U2AF1: variants seen among roughly 807,000 people sequenced by gnomAD.
U2AF1 encodes the protein U2 small nuclear RNA auxiliary factor 1.
For missense variants in U2AF1, 4 were observed against 75.9 expected (o/e 0.05, Z 3.52); for synonymous variants, 8 against 27.2 (o/e 0.29, Z 2.20).
rs953443102 is a variant in U2AF1 at position 43,105,108 on chromosome 21, C to T, written c.45-706G>A. The T allele has an allele frequency of 1.8e-5, 2 of 108,816 alleles. 1 individual carries two copies. Among genetic ancestry groups the T allele is most frequent in the Non-Finnish European group, 3.8e-5 (2 of 52,004 alleles). 6.7% of individuals were successfully genotyped at this position (108,816 alleles called of 1,614,324 possible). On this transcript the variant is annotated intron_variant, in intron 1 of 7. Coordinates refer to ENST00000291552, the MANE Select transcript of U2AF1 (RefSeq NM_006758.3). ...GAAAACAAACTATTAGGGGACTGACCGAACCCACCTTAGGAACCACCTTAC... is the reference window on the plus strand; with the variant it reads ...GAAAACAAACTATTAGGGGACTGACTGAACCCACCTTAGGAACCACCTTAC...
chr21:43,095,398 A>G, intron 5 of U2AF1, 40 bp downstream of exon 5: 1 of 931,648 alleles, frequency 1.1e-6, no homozygotes, highest in Non-Finnish European at 1.6e-6. Context: ...TGGCCCTGGC[A>G]CACTAAGCGG....
chr21:43,105,147 T>C (rs1984731128), intron 1 of U2AF1: 1 of 104,790 alleles, frequency 9.5e-6, no homozygotes, highest in Non-Finnish European at 2.0e-5. Flanking sequence ...ACCTTCTGTC[T>C]CTACTGCAAA....
In U2AF1 at chr21:43,107,225, A is replaced by G. The variant is rs1227264345; in HGVS notation, c.44+226T>C. ...AGCTCGGCCGCGGCGCCCCGAAAAG[A>G]GACCCCATTCATTCTGCCCGCTCCA... On this transcript the variant is annotated intron_variant, in intron 1 of 7. Coordinates refer to ENST00000291552, the MANE Select transcript of U2AF1 (RefSeq NM_006758.3). Among the ~76,000 whole-genome samples, 3 of 112,060 alleles carry G rather than the reference A, an allele frequency of 2.7e-5. 1 individual carries two copies. Among genetic ancestry groups the G allele is most frequent in the Non-Finnish European group, 5.7e-5 (3 of 52,176 alleles). 73.5% of individuals were successfully genotyped at this position (112,060 alleles called of 152,430 possible).
At chr21:43,107,344 C>T (rs576053074) in intron 1 of U2AF1, 107 bp downstream of exon 1, 2 of 245,344 alleles carry the variant, frequency 8.2e-6, no homozygotes, top group East Asian at 8.7e-5. Flanking sequence ...GCCCCTCCCC[C>T]GCCACCGCCG....
intron 3 of U2AF1, chr21:43,099,987 C>T (rs1258247106): frequency 4.9e-5 from 2 of 40,712 alleles, no homozygotes; most frequent in Non-Finnish European, 9.0e-5. Context: ...TGCAGCGGCA[C>T]GATCTCAGTT....
chr21:43,107,213 C>T (rs1212802984), intron 1 of U2AF1, among the ~76,000 whole-genome samples: 1 of 112,750 alleles, frequency 8.9e-6, no homozygotes, highest in Non-Finnish European at 1.9e-5. Flanking sequence ...TCGGCCGCGG[C>T]GCCCCGAAAA....
chr21:43,095,844 G>GA lies in U2AF1; in HGVS notation c.200-102dup. ...AGTAACACACACGAGATTATCTAGA[G>GA]AAAAGCCTGGCAGAGCTGCACTCTG... On this transcript the variant is annotated intron_variant, in intron 3 of 7. Transcript: ENST00000291552. 4 of 306,698 alleles carry GA rather than the reference G, an allele frequency of 1.3e-5. 1 individual carries two copies. Among genetic ancestry groups the GA allele is most frequent in the Non-Finnish European group, 2.3e-5 (4 of 171,518 alleles). 19.0% of individuals were successfully genotyped at this position (306,698 alleles called of 1,614,324 possible). A position where few individuals can be genotyped will look rare whatever the true frequency, so the allele number is the denominator to read the frequency against.
intron 3 of U2AF1, chr21:43,097,693 ATTTTTGTAG>A (rs1479597286): frequency 1.1e-5 from 1 of 92,554 alleles, no homozygotes; most frequent in East Asian, 2.2e-4. Context: ...ATCTTGGCTA[ATTTTTGTAG>A]TTTTAGTAGA....
chr21:43,099,947 C>CG (rs1984505378), intron 3 of U2AF1: 1 of 57,440 alleles, frequency 1.7e-5, no homozygotes, highest in Non-Finnish European at 3.1e-5. Flanking sequence ...TTTTTGGAGA[C>CG]GGAGTCTCAC....
At chr21:43,107,327 G>A in intron 1 of U2AF1, 124 bp downstream of exon 1, 1 of 231,052 alleles carries the variant, frequency 4.3e-6, no homozygotes, top group Non-Finnish European at 7.9e-6. Context: ...GCTCCTTCCC[G>A]CCGCGCGCCC....
In U2AF1 at chr21:43,107,425, A is replaced by AC. The variant is rs776092097; in HGVS notation, c.44+25dup. ...CCACCCTGCGCCCCGATCGCGCCCA[A>AC]CCCCCGGCGGGGGGCTCCCACTCAC... On this transcript the variant is annotated intron_variant, in intron 1 of 7. Transcript: ENST00000291552. 8.3e-6 allele frequency: 4 copies of AC among 484,294 alleles called. 1 individual carries two copies. The South Asian group carries it at 8.8e-5, about 11-fold the overall frequency. The allele number at this position is 484,294 out of a possible 1,614,324, so 30.0% of individuals were successfully genotyped here.
At chr21:43,097,558 A>C in intron 3 of U2AF1, 1 of 68,990 alleles carries the variant, frequency 1.4e-5, no homozygotes, top group African/African-American at 7.1e-5. Flanking sequence ...TAGCCTGTGC[A>C]CCCAACGTGG....
rs374132138 is a variant in U2AF1 at position 43,095,198 on chromosome 21, C to T, written c.348+240G>A. 44 of 394,108 alleles carry T rather than the reference C, an allele frequency of 1.1e-4. 6 individuals carry two copies. The highest frequency in any genetic ancestry group is 1.1e-3 in the East Asian group (35 of 33,128). The allele number at this position is 394,108 out of a possible 1,614,324, so 24.4% of individuals were successfully genotyped here. ...CCGTCCTTCAGTTCTGCTGGCTGGG[C>T]GCACGTGTGGGCTGGCCACCGCCAC... is the stretch of plus-strand genomic sequence containing the variant. On this transcript the variant is annotated intron_variant, in intron 5 of 7. Transcript: ENST00000291552.
intron 7 of U2AF1, 180 bp downstream of exon 7, chr21:43,094,291 C>A: frequency 2.8e-6 from 1 of 355,382 alleles, no homozygotes; most frequent in South Asian, 3.4e-5. Context: ...TACCTGTGTG[C>A]AGGTGAATAT....
chr21:43,107,501 C>CCCG lies in U2AF1; in HGVS notation c.-10_-8dup, dbSNP rs759217681. ...AGGCCAGATACTCCGCCATTTCCCA[C>CCCG]CCGCCGCCGCCGCTGCCGTCGACAC... On this transcript the variant is annotated 5_prime_UTR_variant, in exon 1 of 8. Transcript: ENST00000291552. 1.7e-5 allele frequency: 14 copies of CCCG among 839,738 alleles called. 3 individuals carry two copies. The highest frequency in any genetic ancestry group is 3.1e-5 in the East Asian group (1 of 32,510). 52.0% of individuals were successfully genotyped at this position (839,738 alleles called of 1,614,324 possible).
In U2AF1 at chr21:43,095,415, C is replaced by T. The variant is rs753108326; in HGVS notation, c.348+23G>A. The stretch of plus-strand genomic sequence containing the variant: ...GCCCTGGCACACTAAGCGGCCACGC[C>T]GCCGTCTCGCCCTGGCTCCTACCTT... On this transcript the variant is annotated intron_variant, in intron 5 of 7. Transcript: ENST00000291552. 6.8e-5 allele frequency: 62 copies of T among 915,914 alleles called. 17 individuals carry two copies. The highest frequency in any genetic ancestry group is 9.1e-5 in the Non-Finnish European group (56 of 612,122). 56.7% of individuals were successfully genotyped at this position (915,914 alleles called of 1,614,324 possible). A position where few individuals can be genotyped will look rare whatever the true frequency, so the allele number is the denominator to read the frequency against.
rs1601403006 is a variant in U2AF1, at chr21:43,094,852, T to C, written c.349-64A>G. ...TTAATAAGACTTTCTCAATTACCAATCCAAGTATATCAGAGAGAGATATAC... is the reference window on the plus strand; with the variant it reads ...TTAATAAGACTTTCTCAATTACCAACCCAAGTATATCAGAGAGAGATATAC... On this transcript the variant is annotated intron_variant, in intron 5 of 7. Transcript: ENST00000291552. 1.1e-5 allele frequency: 11 copies of C among 1,043,408 alleles called. 1 individual carries two copies. In the East Asian group the frequency reaches 2.6e-4, roughly 25 times the overall value. The allele number at this position is 1,043,408 out of a possible 1,614,324, so 64.6% of individuals were successfully genotyped here.
Position 43,094,798 on chromosome 21 carries a change from C to G in U2AF1, c.349-10G>C. 1.3e-6 allele frequency: 1 copy of G among 746,614 alleles called. No homozygotes were observed. Among genetic ancestry groups the G allele is most frequent in the Non-Finnish European group, 2.0e-6 (1 of 507,602 alleles). 46.2% of individuals were successfully genotyped at this position (746,614 alleles called of 1,614,324 possible). A position where few individuals can be genotyped will look rare whatever the true frequency, so the allele number is the denominator to read the frequency against. On this transcript the variant is annotated splice_polypyrimidine_tract_variant and intron_variant, in intron 5 of 7. Coordinates refer to ENST00000291552, the MANE Select transcript of U2AF1 (RefSeq NM_006758.3). ...CTTCCTCACGGCGAAACTGAAAAGA[C>G]AAAAACAGAAGTGCTTGCCATCCAC...
In U2AF1 at chr21:43,104,952, TG is replaced by T. The variant is rs1389241512; in HGVS notation, c.45-551del. The T allele has an allele frequency of 1.2e-4, 10 of 84,136 alleles. 2 individuals carry two copies. The highest frequency in any genetic ancestry group is 5.5e-4 in the African/African-American group (10 of 18,078). The allele number at this position is 84,136 out of a possible 1,614,324, so 5.2% of individuals were successfully genotyped here. A position where few individuals can be genotyped will look rare whatever the true frequency, so the allele number is the denominator to read the frequency against. ...ATGTGTGCTTCACATATGGTGCTCA[TG>T]AAGTGCTATCATTATCTAAGGAAAA... is the stretch of plus-strand genomic sequence containing the variant. On this transcript the variant is annotated intron_variant, in intron 1 of 7. Transcript: ENST00000291552.
Sources: gnomAD v4.1 joint callset for allele counts (sites outside exome capture counted in the v4.1 genomes callset) on GRCh38, gnomAD v4.1.1 for gene constraint, MANE v1.5 for transcripts, NCBI Gene and HGNC (gene_info 2026-07-23, HGNC 2026-07-21) for gene names.